Variants in FBXW4 observed in about 807,000 individuals in gnomAD.
FBXW4 encodes the protein F-box and WD repeat domain containing 4, also known as F-box/WD repeat-containing protein 4.
Under a neutral mutation model 61.8 loss-of-function variants are expected in FBXW4, and 40 were observed. That is an observed-to-expected ratio of 0.65 (90% CI 0.50 to 0.84). The LOEUF (loss-of-function observed/expected upper bound fraction) is 0.84, where lower values mean the gene tolerates loss of function less well. Among genes scored for constraint, FBXW4 ranks in the 40% least tolerant of loss-of-function variants. FBXW4 has a pLI of 0.00. For synonymous variants in FBXW4, 311 were observed against 313.8 expected (o/e 0.99, Z 0.10); for missense variants, 672 against 753.8 (o/e 0.89, Z 1.27).
intron 5 of FBXW4, among the ~76,000 whole-genome samples, chr10:101,652,022 G>A (rs2064149963): frequency 6.6e-6 from 1 of 151,942 alleles, no homozygotes; most frequent in Non-Finnish European, 1.5e-5. Context: ...GAGGAGGGGA[G>A]AGATTCCCTC....
intron 5 of FBXW4, among the ~76,000 whole-genome samples, chr10:101,631,449 A>G (rs759324277): frequency 1.3e-5 from 2 of 152,180 alleles, no homozygotes; most frequent in African/African-American, 4.8e-5. Context: ...TGTTACAACT[A>G]CTAAAAAAAA....
intron 5 of FBXW4, among the ~76,000 whole-genome samples, chr10:101,644,855 C>T (rs1430250628): frequency 6.6e-6 from 1 of 152,196 alleles, no homozygotes; most frequent in Non-Finnish European, 1.5e-5. Flanking sequence ...AAAATGAGAT[C>T]ATACCCCCAT....
At chr10:101,679,495 T>C (rs1445804044) in intron 1 of FBXW4, among the ~76,000 whole-genome samples, 1 of 152,168 alleles carries the variant, frequency 6.6e-6, no homozygotes, top group Non-Finnish European at 1.5e-5. Context: ...ATTTAATATA[T>C]AACAAACAGA....
At chr10:101,678,746 G>C (rs1042437816) in intron 1 of FBXW4, among the ~76,000 whole-genome samples, 3 of 152,188 alleles carry the variant, frequency 2.0e-5, no homozygotes, top group African/African-American at 7.2e-5. Flanking sequence ...TCATTTATTC[G>C]AGCCTCTACT....
rs1304612609 is a variant in FBXW4 at position 101,643,640 on chromosome 10, CTT to C, written c.1236-18832_1236-18831del. Reference sequence around the variant, plus strand: ...AGACACACTGTGCCCACAGGGGTCTCTTTACCTAAACTTACTGGGCAGTTGTG... The same window carrying C: ...AGACACACTGTGCCCACAGGGGTCTCTACCTAAACTTACTGGGCAGTTGTG... On this transcript the variant is annotated intron_variant, in intron 5 of 8. Transcript: ENST00000331272. 2.6e-5 allele frequency among the ~76,000 whole-genome samples: 4 copies of C among 152,140 alleles called. No homozygotes were observed. In the East Asian group the frequency reaches 7.7e-4, roughly 29 times the overall value.
intron 1 of FBXW4, among the ~76,000 whole-genome samples, chr10:101,679,741 T>C (rs1015931556): frequency 5.2e-4 from 79 of 152,356 alleles, no homozygotes; most frequent in African/African-American, 1.9e-3. Context: ...TTTTAAAATT[T>C]TTTTACTTTC....
intron 6 of FBXW4, among the ~76,000 whole-genome samples, chr10:101,613,790 C>T (rs2063806076): frequency 6.6e-6 from 1 of 152,190 alleles, no homozygotes; most frequent in South Asian, 2.1e-4. Flanking sequence ...GGCAGTGGGC[C>T]CTGGCCAGGA....
At chr10:101,665,958 C>G (rs944985308) in intron 5 of FBXW4, among the ~76,000 whole-genome samples, 18 of 152,170 alleles carry the variant, frequency 1.2e-4, no homozygotes, top group African/African-American at 4.1e-4. Context: ...ACTCCAGTCT[C>G]CCAAAACCAG....
chr10:101,674,307 C>T (rs1310503499), intron 2 of FBXW4, among the ~76,000 whole-genome samples: 4 of 143,950 alleles, frequency 2.8e-5, no homozygotes, highest in South Asian at 2.3e-4. Context: ...CCAGCCTGGG[C>T]GACAGAGGGA....
intron 1 of FBXW4, among the ~76,000 whole-genome samples, chr10:101,681,763 G>A (rs1312024410): frequency 1.4e-5 from 2 of 141,276 alleles, no homozygotes; most frequent in South Asian, 2.3e-4. Context: ...ATAATAACAG[G>A]TCTAAAGATG....
At chr10:101,666,450 G>C (rs1420510937) in intron 5 of FBXW4, among the ~76,000 whole-genome samples, 3 of 152,182 alleles carry the variant, frequency 2.0e-5, no homozygotes, top group Admixed American at 2.0e-4. Flanking sequence ...AGTTGTGGAA[G>C]GGAGTAGGAG....
At chr10:101,650,876 G>A (rs2064139733) in intron 5 of FBXW4, among the ~76,000 whole-genome samples, 1 of 152,208 alleles carries the variant, frequency 6.6e-6, no homozygotes, top group Non-Finnish European at 1.5e-5. Context: ...GCACACATCG[G>A]ATACAAAGAT....
chr10:101,664,454 C>T (rs2064277309), intron 5 of FBXW4, among the ~76,000 whole-genome samples: 1 of 152,240 alleles, frequency 6.6e-6, no homozygotes, highest in Non-Finnish European at 1.5e-5. Flanking sequence ...CTGGCTGCCA[C>T]ATCCCCTCAT....
Position 101,611,247 on chromosome 10 carries a change from A to C in FBXW4, c.*44T>G. The C allele has an allele frequency of 6.2e-7, 1 of 1,600,612 alleles. No homozygotes were observed. Among genetic ancestry groups the C allele is most frequent in the Middle Eastern group, 2.0e-4 (1 of 4,952 alleles). ...ACCCTCCAGGCAAGAGAAGTCCCTG[A>C]GTAGCTGGTTTCCCTGGCCCAGAGG... is the stretch of plus-strand genomic sequence containing the variant. On this transcript the variant is annotated 3_prime_UTR_variant, in exon 9 of 9. Transcript: ENST00000331272. The surrounding 1 kb of genome is among the most constrained non-coding windows in gnomAD (Gnocchi z 4.9).
At chr10:101,619,443 G>A (rs1181072777) in intron 6 of FBXW4, among the ~76,000 whole-genome samples, 1 of 152,118 alleles carries the variant, frequency 6.6e-6, no homozygotes. Context: ...TGGATCACGA[G>A]GTCAGGAGAT....
At chr10:101,617,275 G>A (rs186466165) in intron 6 of FBXW4, among the ~76,000 whole-genome samples, 57 of 152,224 alleles carry the variant, frequency 3.7e-4, no homozygotes, top group Non-Finnish European at 6.9e-4. Flanking sequence ...GCTTCAGGGT[G>A]GTGGCACTCC....
chr10:101,674,628 C>T (rs1265957740), intron 2 of FBXW4, among the ~76,000 whole-genome samples: 1 of 152,238 alleles, frequency 6.6e-6, no homozygotes, highest in Non-Finnish European at 1.5e-5. Flanking sequence ...GGGATATCTA[C>T]ATTTCTGTAT....
chr10:101,650,630 AC>A (rs1163381851), intron 5 of FBXW4, among the ~76,000 whole-genome samples: 1 of 152,040 alleles, frequency 6.6e-6, no homozygotes, highest in Non-Finnish European at 1.5e-5. Context: ...TTTTCTAGGC[AC>A]CCCACAGTGG....
In FBXW4 at chr10:101,676,390, A is replaced by G. The variant is rs1283994350; in HGVS notation, c.772T>C (p.Trp258Arg). The G allele has an allele frequency of 6.2e-7, 1 of 1,613,766 alleles. No homozygotes were observed. Among genetic ancestry groups the G allele is most frequent in the Non-Finnish European group, 8.5e-7 (1 of 1,179,952 alleles). The change falls in exon 2 of 9, where the codon TGG becomes CGG. Residue 258 changes from tryptophan (W) to arginine (R), a missense_variant. By Grantham distance (101) the Trp-to-Arg change is moderately radical. This residue lies in a region of FBXW4 where 311 missense variants were observed against 301.1 expected (regional missense o/e 1.03). Coordinates refer to ENST00000331272, the MANE Select transcript of FBXW4 (RefSeq NM_022039.4). ...VKERVKVSQN[W>R]RLGRCREGIL... ...CCCTCTCGGCAGCGCCCCAGTCTCC[A>G]GTTCTGAGACACCTTCACTCGTTCC...
Sources: allele counts gnomAD v4.1 joint callset (sites outside exome capture counted in the v4.1 genomes callset), GRCh38; gene constraint gnomAD v4.1.1; regional missense constraint gnomAD v4.1.1; non-coding constraint Gnocchi (gnomAD v3.1); transcripts MANE v1.5; gene names NCBI Gene and HGNC (gene_info 2026-07-23, HGNC 2026-07-21).